CHN2: variants seen among roughly 807,000 people sequenced by gnomAD.
The protein encoded by CHN2 is chimerin 2, also known as beta-chimaerin.
A neutral mutation model predicts 56.3 loss-of-function variants in CHN2; 35 were observed. That is an observed-to-expected ratio of 0.62 (90% CI 0.47 to 0.82). CHN2 has a LOEUF of 0.82. Among genes scored for constraint, CHN2 ranks in the 40% least tolerant of loss-of-function variants. The probability of loss-of-function intolerance (pLI) is 0.00; values close to 1 mark genes in which losing one functional copy is unlikely to be tolerated. For synonymous variants in CHN2, 210 were observed against 212.8 expected, an observed-to-expected ratio of 0.99 and a Z score of 0.12; for missense variants, 491 against 580.5, an observed-to-expected ratio of 0.85 and a Z score of 1.58.
chr7:29,391,896 C>A lies in CHN2; in HGVS notation c.145-1783C>A, dbSNP rs561736386. 8.5e-5 allele frequency among the ~76,000 whole-genome samples: 13 copies of A among 152,312 alleles called. No homozygotes were observed. The East Asian group carries it at 2.5e-3, about 29-fold the overall frequency. Reference sequence around the variant, plus strand: ...TGTCTTGTTAAGAATCAATTAAATTCAGCATCTATTAACTGTTTACCTGCA... The same window carrying A: ...TGTCTTGTTAAGAATCAATTAAATTAAGCATCTATTAACTGTTTACCTGCA... On this transcript the variant is annotated intron_variant, in intron 3 of 12. Coordinates refer to ENST00000222792, the MANE Select transcript of CHN2 (RefSeq NM_004067.4).
chr7:29,173,642 T>C (rs1311983420), intron 2 of CHN2, among the ~76,000 whole-genome samples: 1 of 152,000 alleles, frequency 6.6e-6, no homozygotes, highest in Non-Finnish European at 1.5e-5. Context: ...AGGAGGGGGT[T>C]GTTGCCATGG....
intron 10 of CHN2, 60 bp from the exon 11 acceptor site, chr7:29,507,168 T>G (rs1583441979): frequency 6.9e-7 from 1 of 1,443,582 alleles, no homozygotes; most frequent in Non-Finnish European, 9.3e-7. Context: ...TTTTCCTTTC[T>G]GTACATGCCT....
intron 1 of CHN2, among the ~76,000 whole-genome samples, chr7:29,345,066 G>A (rs957073819): frequency 6.6e-6 from 1 of 152,160 alleles, no homozygotes; most frequent in Admixed American, 6.6e-5. Flanking sequence ...GGCAAGTGGG[G>A]GCTGAACACA....
At chr7:29,207,910 C>T (rs899161915) in intron 1 of CHN2, among the ~76,000 whole-genome samples, 3 of 152,232 alleles carry the variant, frequency 2.0e-5, no homozygotes, top group African/African-American at 4.8e-5. Flanking sequence ...TTTTACCCCA[C>T]ACAAGTAAAG....
intron 1 of CHN2, among the ~76,000 whole-genome samples, chr7:29,233,977 G>A (rs1308875594): frequency 2.7e-5 from 4 of 149,914 alleles, no homozygotes; most frequent in African/African-American, 2.5e-5. Context: ...GGGACTACAG[G>A]CGCCCGCCAC....
chr7:29,333,772 C>G (rs527518541), intron 1 of CHN2, among the ~76,000 whole-genome samples: 1 of 152,270 alleles, frequency 6.6e-6, no homozygotes, highest in Non-Finnish European at 1.5e-5. Context: ...CCCAACCCAC[C>G]CATAAACCAG....
intron 1 of CHN2, among the ~76,000 whole-genome samples, chr7:29,266,446 G>C (rs896888472): frequency 6.6e-6 from 1 of 152,158 alleles, no homozygotes; most frequent in African/African-American, 2.4e-5. Context: ...AGCTTTTGTC[G>C]GTCAATTACA....
chr7:29,504,230 A>G (rs1051172427), intron 9 of CHN2, among the ~76,000 whole-genome samples: 3 of 152,172 alleles, frequency 2.0e-5, no homozygotes, highest in African/African-American at 7.2e-5. Context: ...GCTACATACA[A>G]TATAGCACAT....
At chr7:29,405,531 C>G (rs1802581560) in intron 6 of CHN2, among the ~76,000 whole-genome samples, 1 of 152,156 alleles carries the variant, frequency 6.6e-6, no homozygotes, top group Non-Finnish European at 1.5e-5. Flanking sequence ...AACCACCCCA[C>G]CATCACCACG....
At chr7:29,509,608 G>T in intron 12 of CHN2, 2 of 427,286 alleles carry the variant, frequency 4.7e-6, no homozygotes, top group East Asian at 9.6e-5. Context: ...ACTTTGGGAG[G>T]CCGAGGTGGG....
In CHN2 at chr7:29,369,129, G is replaced by A. The variant is rs1400525406; in HGVS notation, c.144+1142G>A. The stretch of plus-strand genomic sequence containing the variant: ...AGAAAATAGGTAAATATAAATTTTT[G>A]AATGAGATGCACTAAATAAGGGTGT... On this transcript the variant is annotated intron_variant, in intron 3 of 12. Coordinates refer to ENST00000222792, the MANE Select transcript of CHN2 (RefSeq NM_004067.4). Among the ~76,000 whole-genome samples, 17 of 152,162 alleles carry A rather than the reference G, an allele frequency of 1.1e-4. No homozygotes were observed. In the South Asian group the frequency reaches 3.3e-3, roughly 30 times the overall value.
intron 6 of CHN2, among the ~76,000 whole-genome samples, chr7:29,443,187 G>A (rs1043957333): frequency 1.3e-5 from 2 of 151,800 alleles, no homozygotes; most frequent in Non-Finnish European, 2.9e-5. Flanking sequence ...TGATCCACCC[G>A]CCTCGGCCTC....
chr7:29,503,055 C>T (rs1037913241), intron 9 of CHN2, among the ~76,000 whole-genome samples: 1 of 152,096 alleles, frequency 6.6e-6, no homozygotes, highest in Admixed American at 6.6e-5. Context: ...CTCAGTGAAT[C>T]TTATGGCTGA....
At chr7:29,484,878 G>A (rs1374984982) in intron 7 of CHN2, among the ~76,000 whole-genome samples, 4 of 152,120 alleles carry the variant, frequency 2.6e-5, no homozygotes, top group Non-Finnish European at 4.4e-5. Context: ...CATGAAAAAA[G>A]GTCTTTAGAT....
chr7:29,398,792 G>A (rs531202503), intron 5 of CHN2, among the ~76,000 whole-genome samples: 1 of 149,880 alleles, frequency 6.7e-6, no homozygotes, highest in South Asian at 2.1e-4. Flanking sequence ...GAAGAGAATG[G>A]GGTCTCACCA....
intron 2 of CHN2, among the ~76,000 whole-genome samples, chr7:29,163,769 T>G (rs1795520007): frequency 6.6e-6 from 1 of 152,216 alleles, no homozygotes; most frequent in African/African-American, 2.4e-5. Flanking sequence ...TTTTTAAAAT[T>G]TTTAAATAAA....
At chr7:29,503,402 G>A (rs1280373115) in intron 9 of CHN2, among the ~76,000 whole-genome samples, 1 of 152,144 alleles carries the variant, frequency 6.6e-6, no homozygotes, top group Non-Finnish European at 1.5e-5. Context: ...TAATCCACTG[G>A]GTCTGTGCCT....
intron 2 of CHN2, among the ~76,000 whole-genome samples, chr7:29,367,140 C>T (rs1799228578): frequency 1.3e-5 from 2 of 152,008 alleles, no homozygotes; most frequent in Admixed American, 1.3e-4. Context: ...ATAGCTTTTC[C>T]CTTTAGCAGA....
At chr7:29,272,539 C>T (rs1170556609) in intron 1 of CHN2, among the ~76,000 whole-genome samples, 1 of 147,500 alleles carries the variant, frequency 6.8e-6, no homozygotes, top group Non-Finnish European at 1.5e-5. Context: ...ATCTGAAGCC[C>T]TATGCTTGTC....
Sources: allele counts gnomAD v4.1 joint callset (sites outside exome capture counted in the v4.1 genomes callset), GRCh38; gene constraint gnomAD v4.1.1; transcripts MANE v1.5; gene names NCBI Gene and HGNC (gene_info 2026-07-23, HGNC 2026-07-21).